Variants in UCN3 observed in about 807,000 individuals in gnomAD.
UCN3 encodes the protein urocortin 3.
UCN3 carries 3 observed loss-of-function variants against 3.6 expected under a neutral mutation model. The observed-to-expected ratio is 0.83, with a 90% CI of 0.38 to 2.15. The LOEUF (loss-of-function observed/expected upper bound fraction) is 2.15. Among genes scored for constraint, UCN3 ranks in the 30% most tolerant of loss-of-function variants. The probability of loss-of-function intolerance (pLI) is 0.06; values close to 1 mark genes in which losing one functional copy is unlikely to be tolerated. For synonymous variants in UCN3, 100 were observed against 93.2 expected (o/e 1.07, Z -0.42); for missense variants, 206 against 208.3 (o/e 0.99, Z 0.07).
At chr10:5,370,839 G>GTATA in intron 1 of UCN3, among the ~76,000 whole-genome samples, 1 of 80,752 alleles carries the variant, frequency 1.2e-5, no homozygotes, top group South Asian at 6.5e-4. Context: ...GTGTGTGTGC[G>GTATA]CGTGTGTGTG....
intron 1 of UCN3, among the ~76,000 whole-genome samples, chr10:5,369,871 GTATA>G (rs72439722): frequency 0.016 from 1,575 of 96,038 alleles, 96 homozygotes; most frequent in South Asian, 0.059. Context: ...GGGTGTGTGT[GTATA>G]TGTGTGTGTA....
chr10:5,370,921 G>T lies in UCN3; in HGVS notation c.-6-2794G>T, dbSNP rs559933592. Among the ~76,000 whole-genome samples, 4 of 111,266 alleles carry T rather than the reference G, an allele frequency of 3.6e-5. No homozygotes were observed. In the South Asian group the frequency reaches 1.5e-3, roughly 41 times the overall value. 73.0% of individuals were successfully genotyped at this position (111,266 alleles called of 152,430 possible). A position where few individuals can be genotyped will look rare whatever the true frequency, so the allele number is the denominator to read the frequency against. ...CGTGTGTATATGCGTGTGTATATGC[G>T]TGTGTATATGTGTGTTCATGTGTAT... On this transcript the variant is annotated intron_variant, in intron 1 of 1. Transcript: ENST00000380433.
At chr10:5,370,090 CGTGTGTATATGCGT>C (rs1831336778) in intron 1 of UCN3, among the ~76,000 whole-genome samples, 2 of 12,864 alleles carry the variant, frequency 1.6e-4, no homozygotes, top group Non-Finnish European at 3.1e-4. Flanking sequence ...TGTGTATATG[CGTGTGTATATGCGT>C]GTGTATATGT....
At chr10:5,370,487 G>GTGTA (rs1488081013) in intron 1 of UCN3, among the ~76,000 whole-genome samples, 1 of 92,176 alleles carries the variant, frequency 1.1e-5, no homozygotes, top group African/African-American at 4.0e-5. Context: ...GTATATGTGT[G>GTGTA]TATGTGTGTG....
intron 1 of UCN3, among the ~76,000 whole-genome samples, chr10:5,371,356 ATATG>A (rs1831425892): frequency 6.8e-6 from 1 of 148,142 alleles, no homozygotes; most frequent in African/African-American, 2.6e-5. Context: ...GTGCATGTAT[ATATG>A]TGTGTATCTG....
At chr10:5,372,716 A>AT (rs1156663637) in intron 1 of UCN3, among the ~76,000 whole-genome samples, 11,390 of 127,590 alleles carry the variant, frequency 0.089, 759 homozygotes, top group African/African-American at 0.15. Flanking sequence ...CGCCCAGCTA[A>AT]TTTTTTTTTT....
At chr10:5,370,492 TGTGTGTATATGC>T (rs1363862499) in intron 1 of UCN3, among the ~76,000 whole-genome samples, 21 of 116,150 alleles carry the variant, frequency 1.8e-4, no homozygotes, top group Non-Finnish European at 2.4e-4. Flanking sequence ...TGTGTGTATG[TGTGTGTATATGC>T]GTGTGTATAT....
chr10:5,373,066 A>T (rs1424500289), intron 1 of UCN3, among the ~76,000 whole-genome samples: 1 of 152,152 alleles, frequency 6.6e-6, no homozygotes, highest in African/African-American at 2.4e-5. Context: ...TCCCTGGATG[A>T]TACTTGGTCT....
chr10:5,370,365 G>A (rs1261451162), intron 1 of UCN3, among the ~76,000 whole-genome samples: 1 of 60,894 alleles, frequency 1.6e-5, no homozygotes, highest in Non-Finnish European at 2.9e-5. Context: ...GTGTGTATAT[G>A]CGTGTGTATA....
chr10:5,370,245 G>GTGTGTGTA (rs1831350816), intron 1 of UCN3, among the ~76,000 whole-genome samples: 1 of 57,380 alleles, frequency 1.7e-5, no homozygotes, highest in Non-Finnish European at 3.2e-5. Context: ...ATGCGTGTGT[G>GTGTGTGTA]TATGCGTGTG....
intron 1 of UCN3, among the ~76,000 whole-genome samples, chr10:5,371,138 CAT>C (rs1210566111): frequency 6.0e-5 from 9 of 148,948 alleles, no homozygotes; most frequent in African/African-American, 1.5e-4. Flanking sequence ...TATGTGTGTG[CAT>C]ATGTGTGCAT....
At position 5,369,913 on chromosome 10, in the gene UCN3, ATATGTGTGTGTATG is replaced by A. The variant is rs1564442066; in HGVS notation, c.-6-3800_-6-3787del. Among the ~76,000 whole-genome samples, 34 of 99,762 alleles carry A rather than the reference ATATGTGTGTGTATG, an allele frequency of 3.4e-4. 7 individuals are homozygous for A. Among genetic ancestry groups the A allele is most frequent in the Admixed American group, 2.9e-3 (28 of 9,638 alleles). The allele number at this position is 99,762 out of a possible 152,430, so 65.4% of individuals were successfully genotyped here. On this transcript the variant is annotated intron_variant, in intron 1 of 1. Transcript: ENST00000380433. ...TGTGTGTGTGTATATGTGTGTGTGT[ATATGTGTGTGTATG>A]TGTGTGTGTGTATGTGTGTGTATAT...
rs1320827190 is a variant in UCN3, at chr10:5,370,826, C to CGTGTGTGT, written c.-6-2888_-6-2887insTGTGTGTG. ...ATATGTGTGTGTGCGTGTGTGTGCG[C>CGTGTGTGT]GCGTGTGTGTGCGCGTGTGTGTGCG... On this transcript the variant is annotated intron_variant, in intron 1 of 1. Transcript: ENST00000380433. Among the ~76,000 whole-genome samples the CGTGTGTGT allele has an allele frequency of 8.7e-4, 36 of 41,330 alleles. 1 individual carries two copies. In the South Asian group the frequency reaches 9.0e-3, roughly 10 times the overall value. The allele number at this position is 41,330 out of a possible 152,430, so 27.1% of individuals were successfully genotyped here.
rs1834115614 is a variant in UCN3 at position 5,366,126 on chromosome 10, A to G, written c.-7+896A>G. Among the ~76,000 whole-genome samples, 1 of 152,190 alleles carries G rather than the reference A, an allele frequency of 6.6e-6. No homozygotes were observed. The highest frequency in any genetic ancestry group is 2.4e-5 in the African/African-American group (1 of 41,444). Reference sequence around the variant, plus strand: ...CACTTGGCAGAGATGTGTGATCAGTACTGTTTGCCTCCTGCCTTTGCTGCT... The same window carrying G: ...CACTTGGCAGAGATGTGTGATCAGTGCTGTTTGCCTCCTGCCTTTGCTGCT... On this transcript the variant is annotated intron_variant, in intron 1 of 1. Coordinates refer to ENST00000380433, the MANE Select transcript of UCN3 (RefSeq NM_053049.4). The surrounding 1 kb of genome is among the most constrained non-coding windows in gnomAD (Gnocchi z 4.2).
In UCN3 at chr10:5,374,172, C is replaced by A. The variant is rs1554811823; in HGVS notation, c.452C>A (p.Ala151Asp). 6.2e-7 allele frequency: 1 copy of A among 1,611,704 alleles called. No individual in the cohort carries two copies. The part of the protein sequence containing the change: ...KNLRAQAAAN[A>D]HLMAQIGRKK ...CTGCGTGCCCAGGCGGCCGCCAATG[C>A]CCACCTGATGGCGCAAATTGGGAGG... The change falls in exon 2 of 2, where the codon GCC becomes GAC. Residue 151 changes from alanine to aspartate, a missense_variant. Coordinates refer to ENST00000380433, the MANE Select transcript of UCN3 (RefSeq NM_053049.4).
chr10:5,370,594 T>C lies in UCN3; in HGVS notation c.-6-3121T>C, dbSNP rs1449899366. Among the ~76,000 whole-genome samples the C allele has an allele frequency of 4.0e-5, 5 of 125,780 alleles. 1 individual carries two copies. Among genetic ancestry groups the C allele is most frequent in the African/African-American group, 1.5e-4 (5 of 32,492 alleles). The allele number at this position is 125,780 out of a possible 152,430, so 82.5% of individuals were successfully genotyped here. On this transcript the variant is annotated intron_variant, in intron 1 of 1. Transcript: ENST00000380433. ...ATGCGTGTATATGTGTGTATATGTGTGTGTGTATGCGTGTGTATATGCGTG... is the reference window on the plus strand; with the variant it reads ...ATGCGTGTATATGTGTGTATATGTGCGTGTGTATGCGTGTGTATATGCGTG...
chr10:5,374,273 G>A lies in UCN3; in HGVS notation c.*67G>A, dbSNP rs1379294687. On this transcript the variant is annotated 3_prime_UTR_variant, in exon 2 of 2. Transcript: ENST00000380433. The stretch of plus-strand genomic sequence containing the variant: ...AGGGGAGGGGGAGGGGAGGGCGAGG[G>A]GGGGAGGGGAGGGGGAGGGTGCTGT... 5 of 568,212 alleles carry A rather than the reference G, an allele frequency of 8.8e-6. No homozygotes were observed. The East Asian group carries it at 1.7e-4, about 19-fold the overall frequency. 35.2% of individuals were successfully genotyped at this position (568,212 alleles called of 1,614,324 possible). A position where few individuals can be genotyped will look rare whatever the true frequency, so the allele number is the denominator to read the frequency against.
At chr10:5,368,259 C>A (rs1314836348) in intron 1 of UCN3, among the ~76,000 whole-genome samples, 1 of 152,064 alleles carries the variant, frequency 6.6e-6, no homozygotes, top group Non-Finnish European at 1.5e-5. Context: ...CTGCCTCGGC[C>A]CCCCAAAGTG....
rs1834120591 is a variant in UCN3, at chr10:5,366,664, T to C, written c.-7+1434T>C. On this transcript the variant is annotated intron_variant, in intron 1 of 1. Coordinates refer to ENST00000380433, the MANE Select transcript of UCN3 (RefSeq NM_053049.4). This position sits in a 1 kb window ranked among gnomAD's most constrained non-coding sequence, Gnocchi z 4.2. ...CTCACACACTTTGATGGTGAAACCA[T>C]CCAGGGTTGCAAAGAACCCTTACAT... Among the ~76,000 whole-genome samples the C allele has an allele frequency of 2.0e-5, 3 of 152,196 alleles. No individual in the cohort carries two copies. The South Asian group carries it at 6.2e-4, about 32-fold the overall frequency.
Sources: allele counts gnomAD v4.1 joint callset (sites outside exome capture counted in the v4.1 genomes callset), GRCh38; gene constraint gnomAD v4.1.1; non-coding constraint Gnocchi (gnomAD v3.1); transcripts MANE v1.5; gene names NCBI Gene and HGNC (gene_info 2026-07-23, HGNC 2026-07-21).